The following SYN3 variants were observed in gnomAD, a reference collection of about 807,000 sequenced individuals.
SYN3 encodes synapsin-3.
SYN3 carries 35 observed loss-of-function variants against 65.8 expected under a neutral mutation model. The ratio of observed to expected loss-of-function variants is 0.53; its 90% CI spans 0.41 to 0.70. The LOEUF is 0.70. SYN3 is among the 30% of genes least tolerant of loss of function. The pLI is 0.00. For synonymous variants in SYN3, 270 were observed against 292.9 expected (o/e 0.92, Z 0.80); for missense variants, 680 against 749.0 (o/e 0.91, Z 1.08).
In SYN3 at chr22:32,886,864, A is replaced by C. The variant is rs1167797120; in HGVS notation, c.462-17739T>G. Among the ~76,000 whole-genome samples the C allele has an allele frequency of 2.0e-5, 3 of 152,218 alleles. No homozygotes were observed. The East Asian group carries it at 5.8e-4, about 29-fold the overall frequency. ...TTGTCTGCATAGTTACGTGCTGCCA[A>C]GTATGGACTGGAAGGCAGCCCGCAG... On this transcript the variant is annotated intron_variant, in intron 4 of 13. Coordinates refer to ENST00000358763, the MANE Select transcript of SYN3 (RefSeq NM_003490.4).
At position 32,801,983 on chromosome 22, in the gene SYN3, A is replaced by C. The variant is rs1397365773; in HGVS notation, c.711+62932T>G. On this transcript the variant is annotated intron_variant, in intron 6 of 13. Transcript: ENST00000358763. This position sits in a 1 kb window ranked among gnomAD's most constrained non-coding sequence, Gnocchi z 4.7. ...TGGAGAGGCGAGCAGCAGCCCCGGC[A>C]GCGGCGGCAGCAGCGGCAATGACCC... 6.3e-7 allele frequency: 1 copy of C among 1,581,846 alleles called. No individual in the cohort carries two copies. Among genetic ancestry groups the C allele is most frequent in the East Asian group, 2.3e-5 (1 of 43,824 alleles).
At position 32,980,729 on chromosome 22, in the gene SYN3, T is replaced by C. The variant is rs200523453; in HGVS notation, c.312-27A>G. 4.4e-6 allele frequency: 7 copies of C among 1,608,958 alleles called. No homozygotes were observed. In the East Asian group the frequency reaches 1.6e-4, roughly 36 times the overall value. On this transcript the variant is annotated intron_variant, in intron 2 of 13. Transcript: ENST00000358763. Reference sequence around the variant, plus strand: ...TGTAAAGGGGAAGAAATCAGCTGAGTAAGGATGCAGGCTGTTTTACTCTTT... The same window carrying C: ...TGTAAAGGGGAAGAAATCAGCTGAGCAAGGATGCAGGCTGTTTTACTCTTT...
At chr22:32,883,704 A>C (rs536457204) in intron 4 of SYN3, among the ~76,000 whole-genome samples, 1 of 152,368 alleles carries the variant, frequency 6.6e-6, no homozygotes, top group South Asian at 2.1e-4. Flanking sequence ...AGCTGCTACC[A>C]GGTGAACTGT....
At chr22:32,729,884 G>A (rs1001099766) in intron 6 of SYN3, among the ~76,000 whole-genome samples, 1 of 152,102 alleles carries the variant, frequency 6.6e-6, no homozygotes, top group Non-Finnish European at 1.5e-5. Flanking sequence ...TACAAAATAC[G>A]AGTGATAAAA....
At chr22:32,859,071 G>C in intron 6 of SYN3, 1 of 1,020,674 alleles carries the variant, frequency 9.8e-7, no homozygotes, top group Non-Finnish European at 1.6e-6. Flanking sequence ...GACTGATGTG[G>C]CTAGGCTTCC....
chr22:32,896,830 G>C (rs1569310468), intron 4 of SYN3, among the ~76,000 whole-genome samples: 1 of 152,154 alleles, frequency 6.6e-6, no homozygotes, highest in South Asian at 2.1e-4. Context: ...CTTATGGTGA[G>C]GCTTACCTGA....
At chr22:32,598,129 G>C (rs867180455) in intron 6 of SYN3, among the ~76,000 whole-genome samples, 1 of 151,972 alleles carries the variant, frequency 6.6e-6, no homozygotes, top group African/African-American at 2.4e-5. Flanking sequence ...CCTTCTCCTC[G>C]GCTGTCCATG....
At chr22:32,683,662 C>A (rs1194826083) in intron 6 of SYN3, among the ~76,000 whole-genome samples, 1 of 151,994 alleles carries the variant, frequency 6.6e-6, no homozygotes, top group African/African-American at 2.4e-5. Context: ...TTCACATGGC[C>A]GTCTTCTATA....
At chr22:32,891,220 T>TG (rs1354582018) in intron 4 of SYN3, among the ~76,000 whole-genome samples, 10 of 152,118 alleles carry the variant, frequency 6.6e-5, no homozygotes, top group African/African-American at 1.7e-4. Context: ...GTTGGCCATC[T>TG]GGGGGGGTCA....
At chr22:32,671,705 G>A (rs1401462867) in intron 6 of SYN3, among the ~76,000 whole-genome samples, 4 of 139,156 alleles carry the variant, frequency 2.9e-5, no homozygotes, top group African/African-American at 5.6e-5. Flanking sequence ...TGTCACACAG[G>A]TGCACACACA....
chr22:32,649,827 C>A (rs1242856048), intron 6 of SYN3, among the ~76,000 whole-genome samples: 2 of 152,150 alleles, frequency 1.3e-5, no homozygotes, highest in Non-Finnish European at 2.9e-5. Context: ...GTAGACAGGG[C>A]TGGGCCACAG....
At chr22:32,675,437 T>C (rs130744) in intron 6 of SYN3, among the ~76,000 whole-genome samples, 98,369 of 151,918 alleles carry the variant, frequency 0.65, 32,268 homozygotes, top group African/African-American at 0.75. Context: ...GGGCTATTGT[T>C]CAGCTGCCTG....
intron 7 of SYN3, among the ~76,000 whole-genome samples, chr22:32,584,846 A>T (rs1364358602): frequency 6.6e-6 from 1 of 152,244 alleles, no homozygotes. Flanking sequence ...AGAGCAGTTC[A>T]TATGCAAAAG....
chr22:32,925,476 A>G (rs1429431546), intron 4 of SYN3, among the ~76,000 whole-genome samples: 2 of 152,256 alleles, frequency 1.3e-5, no homozygotes, highest in African/African-American at 2.4e-5. Context: ...AGAACTGCCA[A>G]TTAGCAAATA....
At chr22:33,054,704 T>C (rs1376339408) in intron 1 of SYN3, among the ~76,000 whole-genome samples, 2 of 152,202 alleles carry the variant, frequency 1.3e-5, no homozygotes, top group South Asian at 2.1e-4. Flanking sequence ...CGTTTTCACA[T>C]AGCATTTTTA....
chr22:32,927,990 C>A (rs1187818516), intron 4 of SYN3, among the ~76,000 whole-genome samples: 1 of 152,184 alleles, frequency 6.6e-6, no homozygotes, highest in African/African-American at 2.4e-5. Flanking sequence ...TACAAAGGGG[C>A]TGCATCCCAA....
At chr22:32,924,387 C>T (rs1236257650) in intron 4 of SYN3, among the ~76,000 whole-genome samples, 2 of 152,184 alleles carry the variant, frequency 1.3e-5, no homozygotes, top group Non-Finnish European at 1.5e-5. Context: ...GGGCATGAGA[C>T]AGAATAAATC....
chr22:32,762,781 C>A (rs927046455), intron 6 of SYN3, among the ~76,000 whole-genome samples: 6 of 152,178 alleles, frequency 3.9e-5, no homozygotes, highest in African/African-American at 1.4e-4. Flanking sequence ...TGATCTGGGG[C>A]AAGTCAACTC....
chr22:32,778,367 C>T (rs1328006275), intron 6 of SYN3, among the ~76,000 whole-genome samples: 4 of 152,184 alleles, frequency 2.6e-5, no homozygotes, highest in East Asian at 1.9e-4. Context: ...TGGCTCACCA[C>T]AACCTCCGAC....
Sources: gnomAD v4.1 joint callset for allele counts (sites outside exome capture counted in the v4.1 genomes callset) on GRCh38, gnomAD v4.1.1 for gene constraint, Gnocchi (gnomAD v3.1) non-coding constraint, MANE v1.5 for transcripts, NCBI Gene and HGNC (gene_info 2026-07-23, HGNC 2026-07-21) for gene names.